CLASP2: variants seen among roughly 807,000 people sequenced by gnomAD.
CLASP2 encodes cytoplasmic linker associated protein 2, also known as CLIP-associating protein 2.
Under a neutral mutation model 194.4 loss-of-function variants are expected in CLASP2, and 47 were observed. The observed-to-expected ratio is 0.24, with a 90% CI of 0.19 to 0.31. The LOEUF (loss-of-function observed/expected upper bound fraction) is 0.31, where lower values mean the gene tolerates loss of function less well. Among genes scored for constraint, CLASP2 ranks in the 10% least tolerant of loss-of-function variants. The probability of loss-of-function intolerance (pLI) is 1.00; values close to 1 mark genes in which losing one functional copy is unlikely to be tolerated. For synonymous variants in CLASP2, 619 were observed against 633.5 expected, an observed-to-expected ratio of 0.98 and a Z score of 0.34; for missense variants, 1,445 against 1,823.6, an observed-to-expected ratio of 0.79 and a Z score of 3.78.
intron 34 of CLASP2, among the ~76,000 whole-genome samples, chr3:33,526,038 C>T (rs2054458537): frequency 6.6e-6 from 1 of 150,390 alleles, no homozygotes; most frequent in African/African-American, 2.4e-5. Context: ...TCCAGCATAG[C>T]TGCTCCACCA....
rs2154101920 is a variant in CLASP2, at chr3:33,517,317, CTTCTT to C, written c.3788-148_3788-144del. On this transcript the variant is annotated intron_variant, in intron 34 of 38. Coordinates refer to ENST00000682230, the MANE Select transcript of CLASP2 (RefSeq NM_001365631.1). ...ACAAAGAAAAAAGACATTAAGTAAT[CTTCTT>C]TTCAATTTTGTCATTCCCAAAACAC... 3 of 612,392 alleles carry C rather than the reference CTTCTT, an allele frequency of 4.9e-6. No individual in the cohort carries two copies. The East Asian group carries it at 9.7e-5, about 20-fold the overall frequency. The allele number at this position is 612,392 out of a possible 1,614,324, so 37.9% of individuals were successfully genotyped here. A position where few individuals can be genotyped will look rare whatever the true frequency, so the allele number is the denominator to read the frequency against.
At chr3:33,627,655 C>G (rs191094159) in intron 9 of CLASP2, among the ~76,000 whole-genome samples, 38 of 152,198 alleles carry the variant, frequency 2.5e-4, no homozygotes, top group African/African-American at 8.9e-4. Flanking sequence ...AATAGATAGA[C>G]GTGGTCTTTG....
chr3:33,631,205 A>G (rs2079023848), intron 9 of CLASP2, among the ~76,000 whole-genome samples: 1 of 152,232 alleles, frequency 6.6e-6, no homozygotes, highest in African/African-American at 2.4e-5. Context: ...AAATATTTTG[A>G]GTGACAACAA....
chr3:33,660,569 T>G lies in CLASP2; in HGVS notation c.715+2876A>C, dbSNP rs138288524. Among the ~76,000 whole-genome samples the G allele has an allele frequency of 2.3e-3, 355 of 152,324 alleles. 3 individuals carry two copies. Among genetic ancestry groups the G allele is most frequent in the African/African-American group, 8.2e-3 (341 of 41,564 alleles). On this transcript the variant is annotated intron_variant, in intron 7 of 38. Transcript: ENST00000682230. The stretch of plus-strand genomic sequence containing the variant: ...CACTCTAAATCAATATGCTGTAAGA[T>G]GTATGATGTGTCATTATTATGGTTT...
intron 34 of CLASP2, among the ~76,000 whole-genome samples, chr3:33,525,889 C>T (rs371611546): frequency 3.3e-5 from 5 of 152,192 alleles, no homozygotes; most frequent in African/African-American, 7.2e-5. Context: ...AGACAGCCAC[C>T]GTTAACGGCA....
At chr3:33,717,052 T>C (rs1429933947) in intron 1 of CLASP2, among the ~76,000 whole-genome samples, 1 of 152,148 alleles carries the variant, frequency 6.6e-6, no homozygotes, top group Non-Finnish European at 1.5e-5. Context: ...CGCGGCTACA[T>C]TACACCCTGC....
At chr3:33,545,312 C>T (rs1465476199) in intron 30 of CLASP2, among the ~76,000 whole-genome samples, 1 of 152,158 alleles carries the variant, frequency 6.6e-6, no homozygotes, top group East Asian at 1.9e-4. Context: ...TTCTTCTCCG[C>T]TTCTGAAGTA....
At position 33,684,431 on chromosome 3, in the gene CLASP2, A is replaced by G. The variant is rs752860022; in HGVS notation, c.572T>C (p.Ile191Thr). 1.7e-5 allele frequency: 27 copies of G among 1,601,694 alleles called. No individual in the cohort carries two copies. Among genetic ancestry groups the G allele is most frequent in the East Asian group, 4.5e-5 (2 of 44,052 alleles). ...TCCCACATGTCTATAAATCTCCACT[A>G]TAGCCAATATTGCAGCATCTCTCAC... ...SQVRDAAILAIVEIYRHVGEK... is the reference protein window; with the variant it reads ...SQVRDAAILATVEIYRHVGEK... The change falls in exon 6 of 39, where the codon ATA (isoleucine) becomes ACA (threonine). Residue 191 changes from isoleucine to threonine, a missense_variant. Ile to Thr is a moderately conservative substitution (Grantham distance 89). Coordinates refer to ENST00000682230, the MANE Select transcript of CLASP2 (RefSeq NM_001365631.1).
chr3:33,552,303 G>A (rs1413674066), intron 29 of CLASP2, among the ~76,000 whole-genome samples: 1 of 151,940 alleles, frequency 6.6e-6, no homozygotes, highest in Non-Finnish European at 1.5e-5. Flanking sequence ...GTTTTTAGTA[G>A]AGACGAGGTT....
intron 6 of CLASP2, among the ~76,000 whole-genome samples, chr3:33,678,794 C>T (rs1409435525): frequency 6.6e-6 from 1 of 152,174 alleles, no homozygotes; most frequent in Non-Finnish European, 1.5e-5. Context: ...GAGACATATT[C>T]CACATTCGTG....
At position 33,584,938 on chromosome 3, in the gene CLASP2, A is replaced by G; in HGVS notation, c.2069-18T>C. 1.3e-6 allele frequency: 2 copies of G among 1,577,412 alleles called. No homozygotes were observed. Among genetic ancestry groups the G allele is most frequent in the Non-Finnish European group, 1.7e-6 (2 of 1,163,018 alleles). ...GCTACCAGCTGAACACCAAACACATATACAAATGTTAACATGTAAATGCCA... is the reference window on the plus strand; with the variant it reads ...GCTACCAGCTGAACACCAAACACATGTACAAATGTTAACATGTAAATGCCA... On this transcript the variant is annotated intron_variant, in intron 21 of 38. Transcript: ENST00000682230.
chr3:33,583,072 A>T (rs142700136), intron 22 of CLASP2, among the ~76,000 whole-genome samples: 2 of 152,316 alleles, frequency 1.3e-5, no homozygotes, highest in Non-Finnish European at 2.9e-5. Flanking sequence ...AAGGAAGAGA[A>T]AGAGGATCCA....
At chr3:33,577,393 G>T in intron 23 of CLASP2, 1 of 641,264 alleles carries the variant, frequency 1.6e-6, no homozygotes, top group East Asian at 3.0e-5. Context: ...TCAGAGTATT[G>T]CCAAATAGGG....
chr3:33,702,765 T>A (rs1050236966), intron 1 of CLASP2, among the ~76,000 whole-genome samples: 1 of 152,108 alleles, frequency 6.6e-6, no homozygotes, highest in Non-Finnish European at 1.5e-5. Context: ...AATAACCCAT[T>A]TTTTAAAATG....
chr3:33,499,360 T>C (rs2046317307), intron 38 of CLASP2, among the ~76,000 whole-genome samples: 1 of 150,672 alleles, frequency 6.6e-6, no homozygotes, highest in Admixed American at 6.6e-5. Context: ...TTCTTTTTTT[T>C]TTTTTTTGAG....
intron 1 of CLASP2, among the ~76,000 whole-genome samples, chr3:33,707,314 A>T (rs1380662908): frequency 6.6e-6 from 1 of 152,252 alleles, no homozygotes; most frequent in Non-Finnish European, 1.5e-5. Context: ...ATGAAAACAA[A>T]AACAAACATT....
chr3:33,622,181 T>C lies in CLASP2; in HGVS notation c.1135A>G (p.Lys379Glu). 1 of 1,604,870 alleles carries C rather than the reference T, an allele frequency of 6.2e-7. No individual in the cohort carries two copies. The highest frequency in any genetic ancestry group is 8.5e-7 in the Non-Finnish European group (1 of 1,175,650). The change falls in exon 11 of 39, where the codon AAG becomes GAG. Residue 379 changes from lysine (K) to glutamate (E), a missense_variant. Transcript: ENST00000682230. ...CTAACCACCTGGGATCTAAGATCCT[T>C]AGCTGAAAGTTTAAGTGCTCCATCC... ...LLDGALKLSA[K>E]DLRSQVVREA...
At chr3:33,523,430 T>C (rs2053678179) in intron 34 of CLASP2, among the ~76,000 whole-genome samples, 1 of 152,056 alleles carries the variant, frequency 6.6e-6, no homozygotes. Context: ...AAGTGACCAG[T>C]GACATAAAAA....
chr3:33,523,953 A>C (rs768760822), intron 34 of CLASP2, among the ~76,000 whole-genome samples: 5 of 152,216 alleles, frequency 3.3e-5, no homozygotes, highest in Non-Finnish European at 5.9e-5. Context: ...AATAGCTATA[A>C]AATATACACT....
Sources: allele counts gnomAD v4.1 joint callset (sites outside exome capture counted in the v4.1 genomes callset), GRCh38; gene constraint gnomAD v4.1.1; transcripts MANE v1.5; gene names NCBI Gene and HGNC (gene_info 2026-07-23, HGNC 2026-07-21).